SFMBT2: variants seen among roughly 807,000 people sequenced by gnomAD.
SFMBT2 encodes the protein Scm like with four mbt domains 2, also known as scm-like with four MBT domains protein 2.
In SFMBT2, 38 loss-of-function variants were observed where a neutral mutation model predicts 110.1. The observed-to-expected ratio is 0.35, with a 90% CI of 0.27 to 0.45. SFMBT2 has a LOEUF of 0.45. SFMBT2 is among the 20% of genes least tolerant of loss of function. SFMBT2 has a pLI of 1.00. For synonymous variants in SFMBT2, 425 were observed against 425.4 expected, an observed-to-expected ratio of 1.00 and a Z score of 0.01; for missense variants, 1,011 against 1,094.9, an observed-to-expected ratio of 0.92 and a Z score of 1.08.
At chr10:7,205,622 T>G (rs1839104212) in intron 12 of SFMBT2, 193 bp downstream of exon 12, 1 of 985,460 alleles carries the variant, frequency 1.0e-6, no homozygotes, top group Non-Finnish European at 1.2e-6. Context: ...ACTGTTAAAG[T>G]TTGTCAACCT....
intron 14 of SFMBT2, 26 bp downstream of exon 14, chr10:7,200,388 G>A (rs373497530): frequency 6.5e-7 from 1 of 1,543,896 alleles, no homozygotes; most frequent in African/African-American, 1.4e-5. Flanking sequence ...GGAAGGCACA[G>A]AGACCCCCTA....
intron 9 of SFMBT2, chr10:7,228,308 G>C (rs1459613115): frequency 1.6e-6 from 1 of 618,814 alleles, no homozygotes; most frequent in African/African-American, 2.0e-5. Flanking sequence ...TAGGAAGCCT[G>C]AGTTCGTGGG....
intron 20 of SFMBT2, among the ~76,000 whole-genome samples, chr10:7,164,770 CACACACACACACACACACACA>C: frequency 1.3e-5 from 2 of 151,310 alleles, no homozygotes; most frequent in Admixed American, 6.6e-5. Context: ...CACACACACA[CACACACACACACACACACACA>C]CCATTTACAG....
At chr10:7,275,412 C>T (rs539695199) in intron 7 of SFMBT2, among the ~76,000 whole-genome samples, 4 of 152,074 alleles carry the variant, frequency 2.6e-5, no homozygotes, top group East Asian at 3.9e-4. Flanking sequence ...AGAGGTCCAA[C>T]ATTAAAGGCT....
intron 4 of SFMBT2, among the ~76,000 whole-genome samples, chr10:7,359,854 C>T (rs1419251289): frequency 1.3e-5 from 2 of 152,326 alleles, no homozygotes; most frequent in African/African-American, 4.8e-5. Flanking sequence ...AATCTAAAGT[C>T]TTAATGATAT....
chr10:7,273,528 G>C (rs1426195539), intron 7 of SFMBT2, among the ~76,000 whole-genome samples: 1 of 152,138 alleles, frequency 6.6e-6, no homozygotes, highest in Non-Finnish European at 1.5e-5. Flanking sequence ...CAACGTGCAG[G>C]TTTGTTACAT....
In SFMBT2 at chr10:7,197,373, A is replaced by C. The variant is rs538844734; in HGVS notation, c.1698+175T>G. Among the ~76,000 whole-genome samples, 116 of 152,216 alleles carry C rather than the reference A, an allele frequency of 7.6e-4. No homozygotes were observed. In the South Asian group the frequency reaches 0.013, roughly 17 times the overall value. ...TGGGGAGCCTTTCATGGGTCAGAGCATCATTTTTCCATTTGTGTATCTCTG... is the reference window on the plus strand; with the variant it reads ...TGGGGAGCCTTTCATGGGTCAGAGCCTCATTTTTCCATTTGTGTATCTCTG... On this transcript the variant is annotated intron_variant, in intron 15 of 20. Coordinates refer to ENST00000397167, the MANE Select transcript of SFMBT2 (RefSeq NM_001387889.1).
rs146442814 is a variant in SFMBT2, at chr10:7,304,387, G to A, written c.437-18433C>T. ...GGCCTCCCCAGCCATGTGGAACTGTGAGTCCATTAAACCTCTTTTTTTATA... is the reference window on the plus strand; with the variant it reads ...GGCCTCCCCAGCCATGTGGAACTGTAAGTCCATTAAACCTCTTTTTTTATA... On this transcript the variant is annotated intron_variant, in intron 4 of 20. Transcript: ENST00000397167. Among the ~76,000 whole-genome samples, 236 of 152,310 alleles carry A rather than the reference G, an allele frequency of 1.5e-3. 1 individual carries two copies. Among genetic ancestry groups the A allele is most frequent in the Middle Eastern group, 3.4e-3 (1 of 294 alleles).
chr10:7,228,117 A>G (rs900979139), intron 9 of SFMBT2, among the ~76,000 whole-genome samples, 180 bp from the exon 10 acceptor site: 1 of 152,252 alleles, frequency 6.6e-6, no homozygotes, highest in African/African-American at 2.4e-5. Flanking sequence ...TACTAAACAC[A>G]GGTAAACCAT....
intron 16 of SFMBT2, among the ~76,000 whole-genome samples, chr10:7,186,134 G>A (rs1165334767): frequency 1.3e-5 from 2 of 151,986 alleles, no homozygotes; most frequent in Non-Finnish European, 1.5e-5. Context: ...GACAATTGTA[G>A]GTAACAGTGT....
At position 7,188,713 on chromosome 10, in the gene SFMBT2, GTTGA is replaced by G. The variant is rs1838502850; in HGVS notation, c.1715_1718del (p.Ile572ThrfsTer10). ...ATACCCTTCCAGGCTTGTAGGCTGCGTTGATTATCATGCTAAGAACCTTTTGGGG... is the reference window on the plus strand; with the variant it reads ...ATACCCTTCCAGGCTTGTAGGCTGCGTTATCATGCTAAGAACCTTTTGGGG... On this transcript the variant is annotated frameshift_variant, in exon 16 of 21. Coordinates refer to ENST00000397167, the MANE Select transcript of SFMBT2 (RefSeq NM_001387889.1). LOFTEE classifies it high-confidence loss of function. 6.2e-7 allele frequency: 1 copy of G among 1,612,458 alleles called. No individual in the cohort carries two copies. Among genetic ancestry groups the G allele is most frequent in the African/African-American group, 1.3e-5 (1 of 74,864 alleles).
intron 2 of SFMBT2, among the ~76,000 whole-genome samples, chr10:7,381,224 C>T (rs1845413910): frequency 6.6e-6 from 1 of 152,200 alleles, no homozygotes; most frequent in African/African-American, 2.4e-5. Flanking sequence ...TCACTTCCTT[C>T]CACACTGTAT....
intron 15 of SFMBT2, among the ~76,000 whole-genome samples, chr10:7,192,750 ACCTGAG>A (rs1351534406): frequency 6.6e-6 from 1 of 152,158 alleles, no homozygotes; most frequent in African/African-American, 2.4e-5. Flanking sequence ...AGCCAGAGTC[ACCTGAG>A]CCCTTTGGGG....
At chr10:7,311,849 G>C (rs911311848) in intron 4 of SFMBT2, among the ~76,000 whole-genome samples, 1 of 152,112 alleles carries the variant, frequency 6.6e-6, no homozygotes, top group Non-Finnish European at 1.5e-5. Context: ...AGAAAGGCCC[G>C]GGCAACAATT....
At chr10:7,390,866 G>A (rs1293155472) in intron 1 of SFMBT2, among the ~76,000 whole-genome samples, 2 of 152,004 alleles carry the variant, frequency 1.3e-5, no homozygotes, top group African/African-American at 4.8e-5. Context: ...TTGGGAAGCT[G>A]AAGCAGAAGG....
chr10:7,270,518 A>C lies in SFMBT2; in HGVS notation c.870+6374T>G, dbSNP rs549261964. ...CCTGTGTCTCTTCCATTGAACTGAAATAAGAGAAAACATTAATGAAAGTAT... is the reference window on the plus strand; with the variant it reads ...CCTGTGTCTCTTCCATTGAACTGAACTAAGAGAAAACATTAATGAAAGTAT... On this transcript the variant is annotated intron_variant, in intron 7 of 20. Transcript: ENST00000397167. Among the ~76,000 whole-genome samples the C allele has an allele frequency of 1.8e-4, 28 of 152,340 alleles. No homozygotes were observed. In the East Asian group the frequency reaches 5.2e-3, roughly 28 times the overall value.
At chr10:7,364,300 TTAAG>T (rs1474176331) in intron 4 of SFMBT2, among the ~76,000 whole-genome samples, 1 of 152,220 alleles carries the variant, frequency 6.6e-6, no homozygotes, top group Admixed American at 6.5e-5. Context: ...TGAAAAGACT[TTAAG>T]TATTTCCATC....
At chr10:7,292,404 A>G (rs893844258) in intron 4 of SFMBT2, 16 of 165,550 alleles carry the variant, frequency 9.7e-5, no homozygotes, top group Middle Eastern at 3.0e-3. Context: ...ATAAGGTTCA[A>G]ATTAGATTGT....
chr10:7,393,891 C>T (rs1212406151), intron 1 of SFMBT2, among the ~76,000 whole-genome samples: 2 of 152,160 alleles, frequency 1.3e-5, no homozygotes, highest in African/African-American at 4.8e-5. Flanking sequence ...AGCTCCAGGC[C>T]ACTACATCAG....
Sources: gnomAD v4.1 joint callset for allele counts (sites outside exome capture counted in the v4.1 genomes callset) on GRCh38, gnomAD v4.1.1 for gene constraint, MANE v1.5 for transcripts, NCBI Gene and HGNC (gene_info 2026-07-23, HGNC 2026-07-21) for gene names.